The following RESF1 variants were observed in gnomAD, a reference collection of about 807,000 sequenced individuals.
The protein encoded by RESF1 is gonad expressed transcript.
A neutral mutation model predicts 134.7 loss-of-function variants in RESF1; 65 were observed. That is an observed-to-expected ratio of 0.48 (90% confidence interval 0.40 to 0.59). The LOEUF (loss-of-function observed/expected upper bound fraction) is 0.59, where lower values mean the gene tolerates loss of function less well. RESF1 is among the 20% of genes least tolerant of loss of function. The pLI is 0.00. For synonymous variants in RESF1, 762 were observed against 702.2 expected (o/e 1.09, Z -1.35); for missense variants, 2,274 against 2,002.7 (o/e 1.14, Z -2.59).
At chr12:31,968,893 T>A (rs35717950) in intron 2 of RESF1, among the ~76,000 whole-genome samples, 14,273 of 152,268 alleles carry the variant, frequency 0.094, 772 homozygotes, top group Non-Finnish European at 0.13. Flanking sequence ...AATAGTACTT[T>A]GATTCACTCT....
chr12:31,991,787 A>G (rs1338797879), intron 5 of RESF1, among the ~76,000 whole-genome samples: 1 of 152,176 alleles, frequency 6.6e-6, no homozygotes, highest in African/African-American at 2.4e-5. Context: ...GCTTCATGTG[A>G]TCTGCTTGCC....
At position 31,984,444 on chromosome 12, in the gene RESF1, G is replaced by A; in HGVS notation, c.3489G>A (p.Leu1163=). ...GACAAAGTCGTGATTCTGTGATACT[G>A]GACTCTGAGAAAGATGATATCCACT... ...AAGQSRDSVI[L]DSEKDDIHCC... The change falls in exon 4 of 6, where the codon CTG becomes CTA. Residue 1163 remains leucine, a synonymous_variant. Transcript: ENST00000312561. The A allele has an allele frequency of 1.9e-6, 3 of 1,614,152 alleles. No individual in the cohort carries two copies. Among genetic ancestry groups the A allele is most frequent in the Non-Finnish European group, 1.7e-6 (2 of 1,180,004 alleles).
At chr12:31,959,627 G>A (rs1200304289) in intron 1 of RESF1, 136 bp downstream of exon 1, 5 of 151,640 alleles carry the variant, frequency 3.3e-5, no homozygotes, top group East Asian at 1.9e-4. Flanking sequence ...CTGCGGCAAA[G>A]ACGCAGTCGC....
chr12:31,978,733 T>G (rs1592257895), intron 3 of RESF1, among the ~76,000 whole-genome samples: 2 of 104,014 alleles, frequency 1.9e-5, no homozygotes, highest in Non-Finnish European at 2.1e-5. Flanking sequence ...TTTTTTTTTT[T>G]GTATATTTAG....
Position 31,984,198 on chromosome 12 carries a change from A to G in RESF1, c.3243A>G (p.Thr1081=). ...TREGSVGQQT[T]YQTSEDQTAD... Reference sequence around the variant, plus strand: ...AAGGTTCTGTGGGCCAGCAAACTACATACCAGACCTCAGAAGATCAAACTG... The same window carrying G: ...AAGGTTCTGTGGGCCAGCAAACTACGTACCAGACCTCAGAAGATCAAACTG... The change falls in exon 4 of 6, where the codon ACA becomes ACG. Residue 1081 remains threonine, a synonymous_variant. Coordinates refer to ENST00000312561, the MANE Select transcript of RESF1 (RefSeq NM_018169.4). The G allele has an allele frequency of 1.9e-6, 3 of 1,613,858 alleles. No homozygotes were observed. Among genetic ancestry groups the G allele is most frequent in the Non-Finnish European group, 2.5e-6 (3 of 1,179,950 alleles).
intron 2 of RESF1, among the ~76,000 whole-genome samples, chr12:31,961,727 G>T (rs1939274887): frequency 6.6e-6 from 1 of 152,054 alleles, no homozygotes; most frequent in Admixed American, 6.6e-5. Flanking sequence ...TGTCACTACT[G>T]GTCCACATCT....
chr12:31,974,706 T>C (rs751742058), intron 3 of RESF1, among the ~76,000 whole-genome samples: 1 of 152,096 alleles, frequency 6.6e-6, no homozygotes, highest in Admixed American at 6.6e-5. Flanking sequence ...ATTCAGTTCA[T>C]GAGACTCTCT....
At chr12:31,989,353 G>A (rs924983653) in intron 5 of RESF1, among the ~76,000 whole-genome samples, 3 of 132,418 alleles carry the variant, frequency 2.3e-5, no homozygotes, top group Non-Finnish European at 4.6e-5. Context: ...CCAATATGTC[G>A]CCACTGCACT....
At chr12:31,960,741 G>A (rs1307485517) in intron 1 of RESF1, 36 bp from the exon 2 acceptor site, 1 of 152,200 alleles carries the variant, frequency 6.6e-6, no homozygotes, top group Non-Finnish European at 1.5e-5. Context: ...ATTAGCATGT[G>A]CTCTTTTATT....
chr12:31,987,980 C>A (rs1453649638), intron 5 of RESF1, among the ~76,000 whole-genome samples: 2 of 152,156 alleles, frequency 1.3e-5, no homozygotes, highest in African/African-American at 2.4e-5. Flanking sequence ...GGTAATCCAC[C>A]TGCCTCGGCC....
At chr12:31,975,620 T>C (rs1939617200) in intron 3 of RESF1, among the ~76,000 whole-genome samples, 1 of 152,192 alleles carries the variant, frequency 6.6e-6, no homozygotes, top group East Asian at 1.9e-4. Flanking sequence ...TCAAAAGCAG[T>C]CTTCATGCTA....
At chr12:31,991,136 T>C (rs2120909045) in intron 5 of RESF1, among the ~76,000 whole-genome samples, 1 of 149,836 alleles carries the variant, frequency 6.7e-6, no homozygotes, top group East Asian at 2.0e-4. Context: ...GAGTTGAGGC[T>C]GCAATAAGCC....
chr12:31,987,235 A>G lies in RESF1; in HGVS notation c.5003-4A>G, dbSNP rs1248002979. 1 of 1,457,312 alleles carries G rather than the reference A, an allele frequency of 6.9e-7. No individual in the cohort carries two copies. The highest frequency in any genetic ancestry group is 1.1e-5 in the South Asian group (1 of 87,110). The allele number at this position is 1,457,312 out of a possible 1,614,324, so 90.3% of individuals were successfully genotyped here. On this transcript the variant is annotated splice_polypyrimidine_tract_variant and splice_region_variant and intron_variant, in intron 4 of 5. Transcript: ENST00000312561. ...TAGAGTTCTGAAAATGAATATTTAA[A>G]TAGTTTCAGGAATAAAAAGTACAAA... is the stretch of plus-strand genomic sequence containing the variant.
At chr12:31,961,723 T>C (rs1939274571) in intron 2 of RESF1, among the ~76,000 whole-genome samples, 1 of 152,206 alleles carries the variant, frequency 6.6e-6, no homozygotes, top group Admixed American at 6.5e-5. Context: ...TACCTGTCAC[T>C]ACTGGTCCAC....
At chr12:31,967,820 T>C (rs1255128394) in intron 2 of RESF1, among the ~76,000 whole-genome samples, 1 of 152,156 alleles carries the variant, frequency 6.6e-6, no homozygotes, top group African/African-American at 2.4e-5. Context: ...CAAAGTACAA[T>C]TTCTGCTGAA....
Position 31,970,348 on chromosome 12 carries a change from C to T in RESF1, c.-87C>T, listed in dbSNP as rs539681582. ...TAATGGACAGTTAGTCACCCACCTA[C>T]ATGTTGAGGTACTCTGGACCTTTTT... On this transcript the variant is annotated 5_prime_UTR_variant, in exon 3 of 6. Transcript: ENST00000312561. 1 of 152,340 alleles carries T rather than the reference C, an allele frequency of 6.6e-6. No homozygotes were observed. The highest frequency in any genetic ancestry group is 6.5e-5 in the Admixed American group (1 of 15,308). 9.4% of individuals were successfully genotyped at this position (152,340 alleles called of 1,614,324 possible). A position where few individuals can be genotyped will look rare whatever the true frequency, so the allele number is the denominator to read the frequency against.
chr12:31,973,369 AC>A (rs1939557298), intron 3 of RESF1, among the ~76,000 whole-genome samples: 1 of 151,594 alleles, frequency 6.6e-6, no homozygotes, highest in South Asian at 2.1e-4. Flanking sequence ...AGTGCAGTGT[AC>A]AGTCATAGCA....
chr12:31,983,737 C>A lies in RESF1; in HGVS notation c.2782C>A (p.Leu928Ile). Reference protein sequence around the residue: ...LKMVEPQKPSLPNQQGIGSRE... With the variant: ...LKMVEPQKPSIPNQQGIGSRE... ...AATGGTTGAGCCACAGAAACCTTCTCTACCCAATCAGCAAGGGATTGGCAG... is the reference window on the plus strand; with the variant it reads ...AATGGTTGAGCCACAGAAACCTTCTATACCCAATCAGCAAGGGATTGGCAG... Residue 928 changes from leucine to isoleucine, a missense_variant, in exon 4 of 6, where the codon CTA becomes ATA. Transcript: ENST00000312561. The A allele has an allele frequency of 6.2e-7, 1 of 1,613,866 alleles. No individual in the cohort carries two copies. Among genetic ancestry groups the A allele is most frequent in the East Asian group, 2.2e-5 (1 of 44,880 alleles).
At chr12:31,971,270 G>T (rs557265319) in intron 3 of RESF1, among the ~76,000 whole-genome samples, 5 of 152,270 alleles carry the variant, frequency 3.3e-5, no homozygotes, top group African/African-American at 1.2e-4. Context: ...ATCCTCCCAG[G>T]TAGCAGGGAT....
Sources: gnomAD v4.1 joint callset for allele counts (sites outside exome capture counted in the v4.1 genomes callset) on GRCh38, gnomAD v4.1.1 for gene constraint, MANE v1.5 for transcripts, NCBI Gene and HGNC (gene_info 2026-07-23, HGNC 2026-07-21) for gene names.